The following THSD7B variants were observed in gnomAD, a reference collection of about 807,000 sequenced individuals.
The protein encoded by THSD7B is thrombospondin type-1 domain-containing protein 7B.
THSD7B carries 138 observed loss-of-function variants against 213.6 expected under a neutral mutation model. The observed-to-expected ratio is 0.65, with a 90% CI of 0.56 to 0.74. THSD7B has a LOEUF of 0.74. Ranked by LOEUF, THSD7B falls within the 30% of genes least tolerant of loss-of-function variation. THSD7B has a pLI of 0.00. For missense variants in THSD7B, 1,931 were observed against 1,991.5 expected (o/e 0.97, Z 0.58); for synonymous variants, 742 against 687.0 (o/e 1.08, Z -1.25).
chr2:137,602,874 G>A (rs1311099633), intron 17 of THSD7B, among the ~76,000 whole-genome samples: 1 of 152,104 alleles, frequency 6.6e-6, no homozygotes, highest in African/African-American at 2.4e-5. Context: ...TTTCAGTGGG[G>A]AGTTTCTCTC....
At chr2:137,639,489 G>A (rs147853858) in intron 20 of THSD7B, among the ~76,000 whole-genome samples, 3,581 of 152,316 alleles carry the variant, frequency 0.024, 167 homozygotes, top group East Asian at 0.22. Context: ...CCCCCACACA[G>A]AGTCCCTAGT....
intron 1 of THSD7B, among the ~76,000 whole-genome samples, chr2:136,844,133 T>G (rs1682960609): frequency 6.6e-6 from 1 of 152,142 alleles, no homozygotes; most frequent in African/African-American, 2.4e-5. Flanking sequence ...TGATAAAGTT[T>G]TATTAGTCGG....
At chr2:137,615,027 C>T (rs972909701) in intron 17 of THSD7B, among the ~76,000 whole-genome samples, 2 of 152,052 alleles carry the variant, frequency 1.3e-5, no homozygotes, top group Non-Finnish European at 1.5e-5. Flanking sequence ...CTATGGGCCT[C>T]GTTAGATTGA....
intron 2 of THSD7B, among the ~76,000 whole-genome samples, chr2:137,050,156 G>C (rs777561397): frequency 2.6e-5 from 4 of 152,154 alleles, no homozygotes; most frequent in Non-Finnish European, 5.9e-5. Flanking sequence ...AGGTTTTAGT[G>C]ATCCTAAAGA....
Position 137,333,895 on chromosome 2 carries a change from G to C in THSD7B, c.2500+57869G>C, listed in dbSNP as rs1432646076. On this transcript the variant is annotated intron_variant, in intron 12 of 27. Coordinates refer to ENST00000409968, the MANE Select transcript of THSD7B (RefSeq NM_001316349.2). ...AGCAAAGAGGAGGTTGAGTGGAAAAGCTCTCTCACTTGATATGACTTATTG... is the reference window on the plus strand; with the variant it reads ...AGCAAAGAGGAGGTTGAGTGGAAAACCTCTCTCACTTGATATGACTTATTG... Among the ~76,000 whole-genome samples, 3 of 152,308 alleles carry C rather than the reference G, an allele frequency of 2.0e-5. No individual in the cohort carries two copies. In the East Asian group the frequency reaches 5.8e-4, roughly 29 times the overall value.
chr2:137,255,419 T>G (rs1023626403), intron 10 of THSD7B, among the ~76,000 whole-genome samples: 1 of 151,972 alleles, frequency 6.6e-6, no homozygotes, highest in Admixed American at 6.6e-5. Flanking sequence ...ATGATTTACA[T>G]CTCCACAGGA....
intron 3 of THSD7B, 26 bp from the exon 4 acceptor site, chr2:137,094,847 C>G: frequency 6.2e-7 from 1 of 1,603,534 alleles, no homozygotes; most frequent in Non-Finnish European, 8.5e-7. Flanking sequence ...ATATGGCCTC[C>G]TATTTTCTAC....
In THSD7B at chr2:137,498,335, C is replaced by CT. The variant is rs10535733; in HGVS notation, c.3138+47326dup. On this transcript the variant is annotated intron_variant, in intron 15 of 27. Coordinates refer to ENST00000409968, the MANE Select transcript of THSD7B (RefSeq NM_001316349.2). ...ATCTCTGTAGGAGGGACAGTAAAGT[C>CT]TTTTTTTTTTTTTTCATGTGGAAAG... 2.2e-3 allele frequency among the ~76,000 whole-genome samples: 327 copies of CT among 146,582 alleles called. 5 individuals are homozygous for CT. The South Asian group carries it at 0.027, about 12-fold the overall frequency.
At chr2:137,268,725 G>C (rs1363362289) in intron 10 of THSD7B, among the ~76,000 whole-genome samples, 1 of 152,118 alleles carries the variant, frequency 6.6e-6, no homozygotes, top group Non-Finnish European at 1.5e-5. Context: ...ATCTCAGCCT[G>C]TGACTTAGAA....
intron 2 of THSD7B, among the ~76,000 whole-genome samples, chr2:137,000,361 C>A (rs1348518234): frequency 2.6e-5 from 4 of 152,076 alleles, no homozygotes; most frequent in Admixed American, 6.6e-5. Context: ...CATCATAGAA[C>A]CTACAGTGTC....
intron 24 of THSD7B, among the ~76,000 whole-genome samples, chr2:137,659,411 A>G (rs139359492): frequency 5.9e-5 from 9 of 152,284 alleles, no homozygotes; most frequent in Admixed American, 2.6e-4. Context: ...GCATAGCCGT[A>G]TGATAGAATC....
At chr2:137,523,432 T>C (rs754068224) in intron 15 of THSD7B, among the ~76,000 whole-genome samples, 4 of 152,210 alleles carry the variant, frequency 2.6e-5, no homozygotes, top group South Asian at 2.1e-4. Context: ...TGGGACATTC[T>C]GTTACTTTGT....
At chr2:136,992,978 T>G (rs1385966639) in intron 2 of THSD7B, among the ~76,000 whole-genome samples, 1 of 152,238 alleles carries the variant, frequency 6.6e-6, no homozygotes, top group Non-Finnish European at 1.5e-5. Context: ...GTTCCTCTCA[T>G]CAGCAGTCTA....
rs1426480052 is a variant in THSD7B, at chr2:137,662,235, TTTTTTTC to T, written c.4459-1141_4459-1135del. ...CCGCCACGACGCCCGGCTAATTTTT[TTTTTTTC>T]TTTTTTTTTTTTTTTGTATTTTTGG... is the stretch of plus-strand genomic sequence containing the variant. On this transcript the variant is annotated intron_variant, in intron 25 of 27. Transcript: ENST00000409968. 4.9e-4 allele frequency among the ~76,000 whole-genome samples: 59 copies of T among 120,124 alleles called. 1 individual carries two copies. The highest frequency in any genetic ancestry group is 1.5e-3 in the African/African-American group (45 of 30,730). The allele number at this position is 120,124 out of a possible 152,430, so 78.8% of individuals were successfully genotyped here. A position where few individuals can be genotyped will look rare whatever the true frequency, so the allele number is the denominator to read the frequency against.
chr2:137,251,349 T>G (rs926737626), intron 10 of THSD7B, among the ~76,000 whole-genome samples: 3 of 152,218 alleles, frequency 2.0e-5, no homozygotes, highest in Non-Finnish European at 2.9e-5. Flanking sequence ...TTTTTATTTA[T>G]TTTTTGTGTA....
chr2:137,650,025 C>T (rs1036015994), intron 21 of THSD7B, among the ~76,000 whole-genome samples: 1 of 151,946 alleles, frequency 6.6e-6, no homozygotes, highest in East Asian at 1.9e-4. Flanking sequence ...TGGCTTGAGT[C>T]GGAGAGGTCG....
intron 2 of THSD7B, among the ~76,000 whole-genome samples, chr2:136,954,118 A>G (rs1467370603): frequency 6.6e-6 from 1 of 152,228 alleles, no homozygotes; most frequent in African/African-American, 2.4e-5. Flanking sequence ...TGAGTTTGCA[A>G]TAATCGGTTG....
At chr2:136,770,866 A>C (rs1681492284) in intron 1 of THSD7B, among the ~76,000 whole-genome samples, 1 of 152,156 alleles carries the variant, frequency 6.6e-6, no homozygotes, top group African/African-American at 2.4e-5. Flanking sequence ...CAAAGGTATC[A>C]AAACCCCTTT....
chr2:137,284,457 G>A (rs998038330), intron 12 of THSD7B, among the ~76,000 whole-genome samples: 4 of 151,812 alleles, frequency 2.6e-5, no homozygotes, highest in African/African-American at 7.3e-5. Flanking sequence ...GTATATGTTC[G>A]CTCTTGCTTC....
Sources: allele counts gnomAD v4.1 joint callset (sites outside exome capture counted in the v4.1 genomes callset), GRCh38; gene constraint gnomAD v4.1.1; transcripts MANE v1.5; gene names NCBI Gene and HGNC (gene_info 2026-07-23, HGNC 2026-07-21).